Variants in ZC2HC1B observed in about 807,000 individuals in gnomAD.
ZC2HC1B encodes the protein zinc finger C2HC-type containing 1B, also known as zinc finger C2HC domain-containing protein 1B.
In ZC2HC1B, 36 loss-of-function variants were observed where a neutral mutation model predicts 31.0. The observed-to-expected ratio is 1.16, with a 90% confidence interval of 0.89 to 1.54. The LOEUF (loss-of-function observed/expected upper bound fraction) is 1.54. Among genes scored for constraint, ZC2HC1B ranks in the 40% most tolerant of loss-of-function variants. The pLI, the probability that ZC2HC1B is intolerant of heterozygous loss-of-function variation, is 0.00. For synonymous variants in ZC2HC1B, 73 were observed against 88.0 expected (o/e 0.83, Z 0.95); for missense variants, 260 against 268.6 (o/e 0.97, Z 0.22).
In ZC2HC1B at chr6:143,911,296, AT is replaced by A. The variant is rs1214822105; in HGVS notation, c.598+8145del. ...ATTTAAATTTAAGGTTAGTATTGTT[AT>A]GTGTGAATTAGATCCTGTCATCATG... is the stretch of plus-strand genomic sequence containing the variant. On this transcript the variant is annotated intron_variant, in intron 6 of 7. Coordinates refer to ENST00000237275, the MANE Select transcript of ZC2HC1B (RefSeq NM_001013623.3). The surrounding 1 kb of genome is among the most constrained non-coding windows in gnomAD (Gnocchi z 4.5). Among the ~76,000 whole-genome samples the A allele has an allele frequency of 6.6e-6, 1 of 152,072 alleles. No homozygotes were observed. The highest frequency in any genetic ancestry group is 6.5e-5 in the Admixed American group (1 of 15,274).
chr6:143,926,001 CCT>C (rs1169141364), intron 6 of ZC2HC1B, among the ~76,000 whole-genome samples: 1 of 151,930 alleles, frequency 6.6e-6, no homozygotes, highest in Non-Finnish European at 1.5e-5. Context: ...TAATTCACAT[CCT>C]CTCTCTTATT....
Position 143,865,092 on chromosome 6 carries a change from T to C in ZC2HC1B, c.28+525T>C, listed in dbSNP as rs1451555199. Among the ~76,000 whole-genome samples the C allele has an allele frequency of 6.6e-6, 1 of 152,212 alleles. No homozygotes were observed. The highest frequency in any genetic ancestry group is 2.4e-5 in the African/African-American group (1 of 41,456). On this transcript the variant is annotated intron_variant, in intron 1 of 7. Coordinates refer to ENST00000237275, the MANE Select transcript of ZC2HC1B (RefSeq NM_001013623.3). The surrounding 1 kb of genome is among the most constrained non-coding windows in gnomAD (Gnocchi z 4.4). ...TGAGTCTTGATGAAGCATATTGTGATTTAGGCAGGTTATACTCCAAACTTA... is the reference window on the plus strand; with the variant it reads ...TGAGTCTTGATGAAGCATATTGTGACTTAGGCAGGTTATACTCCAAACTTA...
intron 6 of ZC2HC1B, 64 bp from the exon 7 acceptor site, chr6:143,937,585 A>G (rs574415325): frequency 3.0e-5 from 42 of 1,416,094 alleles, no homozygotes; most frequent in Non-Finnish European, 3.6e-5. Context: ...TTTCACAATC[A>G]TGTCTTTTTT....
In ZC2HC1B at chr6:143,884,919, A is replaced by G. The variant is rs1313877637; in HGVS notation, c.90+554A>G. Among the ~76,000 whole-genome samples, 6 of 152,226 alleles carry G rather than the reference A, an allele frequency of 3.9e-5. No individual in the cohort carries two copies. Among genetic ancestry groups the G allele is most frequent in the Admixed American group, 3.9e-4 (6 of 15,278 alleles). On this transcript the variant is annotated intron_variant, in intron 2 of 7. Coordinates refer to ENST00000237275, the MANE Select transcript of ZC2HC1B (RefSeq NM_001013623.3). This position sits in a 1 kb window ranked among gnomAD's most constrained non-coding sequence, Gnocchi z 5.1. ...TCTAATTGTTGTACAGATTCAAGCT[A>G]ACGGCATGTCAAGTCCCCGATTGAT...
chr6:143,896,165 T>C (rs1777664018), intron 4 of ZC2HC1B, among the ~76,000 whole-genome samples: 1 of 152,190 alleles, frequency 6.6e-6, no homozygotes, highest in Non-Finnish European at 1.5e-5. Flanking sequence ...TCTTCTACAG[T>C]TTATCCCACC....
At chr6:143,914,646 G>A (rs1239792817) in intron 6 of ZC2HC1B, among the ~76,000 whole-genome samples, 1 of 152,020 alleles carries the variant, frequency 6.6e-6, no homozygotes, top group African/African-American at 2.4e-5. Context: ...GTTGAGAGTG[G>A]AGTATTGAAG....
At position 143,915,940 on chromosome 6, in the gene ZC2HC1B, T is replaced by G. The variant is rs937081353; in HGVS notation, c.598+12788T>G. ...GAAAATCCCATTTTCTGGGGAGAAA[T>G]TCAAACTGGCTGCAGAAATTTGTAT... On this transcript the variant is annotated intron_variant, in intron 6 of 7. Coordinates refer to ENST00000237275, the MANE Select transcript of ZC2HC1B (RefSeq NM_001013623.3). This position sits in a 1 kb window ranked among gnomAD's most constrained non-coding sequence, Gnocchi z 5.2. Among the ~76,000 whole-genome samples, 2 of 152,208 alleles carry G rather than the reference T, an allele frequency of 1.3e-5. No individual in the cohort carries two copies. The highest frequency in any genetic ancestry group is 2.9e-5 in the Non-Finnish European group (2 of 68,038).
rs1282412138 is a variant in ZC2HC1B at position 143,923,008 on chromosome 6, C to T, written c.599-14641C>T. Among the ~76,000 whole-genome samples the T allele has an allele frequency of 6.6e-6, 1 of 152,194 alleles. No individual in the cohort carries two copies. The highest frequency in any genetic ancestry group is 1.5e-5 in the Non-Finnish European group (1 of 68,012). On this transcript the variant is annotated intron_variant, in intron 6 of 7. Coordinates refer to ENST00000237275, the MANE Select transcript of ZC2HC1B (RefSeq NM_001013623.3). The surrounding 1 kb of genome is among the most constrained non-coding windows in gnomAD (Gnocchi z 4.8). ...TAGAGTTCCCTTTTCTCCGCATCCT[C>T]ACAAGCATCTGTTATTTCTTGCCTT...
chr6:143,901,250 CTTTTTTTTT>C (rs760366226), intron 5 of ZC2HC1B, among the ~76,000 whole-genome samples: 12 of 90,494 alleles, frequency 1.3e-4, no homozygotes, highest in African/African-American at 2.7e-4. Flanking sequence ...TTCTTTCTTC[CTTTTTTTTT>C]TTTTTTTTTT....
chr6:143,903,170 T>A lies in ZC2HC1B; in HGVS notation c.598+18T>A, dbSNP rs2128495264. The A allele has an allele frequency of 4.5e-6, 7 of 1,547,706 alleles. No homozygotes were observed. Among genetic ancestry groups the A allele is most frequent in the African/African-American group, 2.7e-5 (2 of 73,060 alleles). ...CAAGTCAGGTGAGTCAAAGCACGCA[T>A]TTCATCTCTCAAATGATGGGGGTCA... is the stretch of plus-strand genomic sequence containing the variant. On this transcript the variant is annotated intron_variant, in intron 6 of 7. Coordinates refer to ENST00000237275, the MANE Select transcript of ZC2HC1B (RefSeq NM_001013623.3). The surrounding 1 kb of genome is among the most constrained non-coding windows in gnomAD (Gnocchi z 4.3).
Position 143,886,839 on chromosome 6 carries a change from G to A in ZC2HC1B, c.349+18G>A. ...GAACCCAGGTGTGTAGACATTTTGG[G>A]TTGCTTTTGAGGCTATGCTTGACTT... On this transcript the variant is annotated intron_variant, in intron 4 of 7. Transcript: ENST00000237275. This position sits in a 1 kb window ranked among gnomAD's most constrained non-coding sequence, Gnocchi z 4.2. The A allele has an allele frequency of 6.7e-7, 1 of 1,493,478 alleles. No homozygotes were observed. Among genetic ancestry groups the A allele is most frequent in the Non-Finnish European group, 8.9e-7 (1 of 1,121,096 alleles). The allele number at this position is 1,493,478 out of a possible 1,614,324, so 92.5% of individuals were successfully genotyped here.
At position 143,923,078 on chromosome 6, in the gene ZC2HC1B, C is replaced by T. The variant is rs1356956806; in HGVS notation, c.599-14571C>T. Among the ~76,000 whole-genome samples the T allele has an allele frequency of 6.6e-6, 1 of 152,044 alleles. No homozygotes were observed. Among genetic ancestry groups the T allele is most frequent in the Non-Finnish European group, 1.5e-5 (1 of 67,970 alleles). ...ACAAGGGTAAGATTTTGTCTCATTG[C>T]GTCTTGGATTGGCATTTCCCTGATA... On this transcript the variant is annotated intron_variant, in intron 6 of 7. Transcript: ENST00000237275. The surrounding 1 kb of genome is among the most constrained non-coding windows in gnomAD (Gnocchi z 4.8).
intron 4 of ZC2HC1B, among the ~76,000 whole-genome samples, chr6:143,891,599 G>A (rs1206091963): frequency 6.6e-6 from 1 of 151,258 alleles, no homozygotes; most frequent in Non-Finnish European, 1.5e-5. Context: ...CTACTCAGGA[G>A]ACTGAGGGAG....
Position 143,865,792 on chromosome 6 carries a change from C to T in ZC2HC1B, c.28+1225C>T, listed in dbSNP as rs183264324. On this transcript the variant is annotated intron_variant, in intron 1 of 7. Coordinates refer to ENST00000237275, the MANE Select transcript of ZC2HC1B (RefSeq NM_001013623.3). The surrounding 1 kb of genome is among the most constrained non-coding windows in gnomAD (Gnocchi z 4.4). ...AGGCCTAAGAGATCCAGGCAGGGGGCAAAATCTTGAAGAATTTGTATCTTA... is the reference window on the plus strand; with the variant it reads ...AGGCCTAAGAGATCCAGGCAGGGGGTAAAATCTTGAAGAATTTGTATCTTA... 1.3e-5 allele frequency among the ~76,000 whole-genome samples: 2 copies of T among 151,890 alleles called. No homozygotes were observed. The highest frequency in any genetic ancestry group is 3.9e-4 in the East Asian group (2 of 5,164).
At chr6:143,900,380 A>G (rs1180076306) in intron 5 of ZC2HC1B, among the ~76,000 whole-genome samples, 1 of 149,718 alleles carries the variant, frequency 6.7e-6, no homozygotes, top group East Asian at 2.0e-4. Flanking sequence ...ACAAGAGCAA[A>G]ACTCCGTCTC....
chr6:143,901,904 TGA>T (rs1277024597), intron 5 of ZC2HC1B, among the ~76,000 whole-genome samples: 7 of 152,150 alleles, frequency 4.6e-5, no homozygotes, highest in Non-Finnish European at 1.0e-4. Flanking sequence ...CAGTAAAGGG[TGA>T]GTTACATTTC....
chr6:143,900,128 G>A (rs1777718862), intron 5 of ZC2HC1B, among the ~76,000 whole-genome samples: 1 of 152,118 alleles, frequency 6.6e-6, no homozygotes, highest in Admixed American at 6.6e-5. Context: ...GGTGGCTCAC[G>A]CCTGTAATCC....
rs972829115 is a variant in ZC2HC1B at position 143,869,295 on chromosome 6, A to C, written c.28+4728A>C. Among the ~76,000 whole-genome samples the C allele has an allele frequency of 1.3e-5, 2 of 152,166 alleles. No individual in the cohort carries two copies. The highest frequency in any genetic ancestry group is 4.8e-5 in the African/African-American group (2 of 41,436). On this transcript the variant is annotated intron_variant, in intron 1 of 7. Coordinates refer to ENST00000237275, the MANE Select transcript of ZC2HC1B (RefSeq NM_001013623.3). The surrounding 1 kb of genome is among the most constrained non-coding windows in gnomAD (Gnocchi z 5.2). The stretch of plus-strand genomic sequence containing the variant: ...TCTGTTGTGGAGTAGTAGAGCATAC[A>C]CGATCTTCTGGAGAACTTTACCCCA...
At chr6:143,876,454 A>G (rs1176818933) in intron 1 of ZC2HC1B, among the ~76,000 whole-genome samples, 1 of 150,448 alleles carries the variant, frequency 6.6e-6, no homozygotes, top group Non-Finnish European at 1.5e-5. Flanking sequence ...TACTATTAGA[A>G]GTAGAGTCAT....
Sources: allele counts gnomAD v4.1 joint callset (sites outside exome capture counted in the v4.1 genomes callset), GRCh38; gene constraint gnomAD v4.1.1; non-coding constraint Gnocchi (gnomAD v3.1); transcripts MANE v1.5; gene names NCBI Gene and HGNC (gene_info 2026-07-23, HGNC 2026-07-21).